SRD5A2: variants seen among roughly 807,000 people sequenced by gnomAD.
The protein encoded by SRD5A2 is steroid 5 alpha-reductase 2.
SRD5A2 carries 30 observed loss-of-function variants against 27.4 expected under a neutral mutation model. That is an observed-to-expected ratio of 1.10 (90% CI 0.82 to 1.49). SRD5A2 has a LOEUF of 1.49. Ranked by LOEUF, SRD5A2 falls within the 40% of genes most tolerant of loss-of-function variation. The probability of loss-of-function intolerance (pLI) is 0.00; values close to 1 mark genes in which losing one functional copy is unlikely to be tolerated. For missense variants in SRD5A2, 348 were observed against 323.4 expected, an observed-to-expected ratio of 1.08 and a Z score of -0.58; for synonymous variants, 141 against 133.6, an observed-to-expected ratio of 1.06 and a Z score of -0.38.
At chr2:31,638,594 T>G in the SRD5A2 span, among the ~76,000 whole-genome samples, 1 of 152,110 alleles carries the variant, frequency 6.6e-6, no homozygotes, top group Non-Finnish European at 1.5e-5. Context: ...CTTTATATAC[T>G]AGGAACTCCT....
intron 1 of SRD5A2, among the ~76,000 whole-genome samples, chr2:31,553,159 C>T (rs1208369092): frequency 6.6e-6 from 1 of 152,080 alleles, no homozygotes; most frequent in African/African-American, 2.4e-5. Context: ...GCTTCAAACA[C>T]AGAATTGATC....
rs190448478 is a variant in SRD5A2, at chr2:31,537,002, A to C, written c.282-3236T>G. On this transcript the variant is annotated intron_variant, in intron 1 of 4. Coordinates refer to ENST00000622030, the MANE Select transcript of SRD5A2 (RefSeq NM_000348.4). ...ATATTCATTTGGGGGGATTCATTGGAAAGGGTTAACTGAAATTGCAAATCC... is the reference window on the plus strand; with the variant it reads ...ATATTCATTTGGGGGGATTCATTGGCAAGGGTTAACTGAAATTGCAAATCC... Among the ~76,000 whole-genome samples the C allele has an allele frequency of 2.3e-3, 348 of 152,350 alleles. 11 individuals carry two copies. The highest frequency in any genetic ancestry group is 5.7e-4 in the Non-Finnish European group (39 of 68,028).
chr2:31,558,794 T>C (rs1666553847), intron 1 of SRD5A2, among the ~76,000 whole-genome samples: 1 of 152,136 alleles, frequency 6.6e-6, no homozygotes, highest in Non-Finnish European at 1.5e-5. Flanking sequence ...CTAGGAACAA[T>C]AGGATATAGT....
At chr2:31,534,556 G>C (rs1665986002) in intron 1 of SRD5A2, among the ~76,000 whole-genome samples, 1 of 152,172 alleles carries the variant, frequency 6.6e-6, no homozygotes, top group Non-Finnish European at 1.5e-5. Flanking sequence ...ATTTGATTCT[G>C]TAAATTTTAT....
At chr2:31,534,679 A>T (rs1476290068) in intron 1 of SRD5A2, among the ~76,000 whole-genome samples, 1 of 152,186 alleles carries the variant, frequency 6.6e-6, no homozygotes, top group Non-Finnish European at 1.5e-5. Context: ...ACACATCTCC[A>T]GAGCATTCAT....
At chr2:31,642,867 T>C in the SRD5A2 span, among the ~76,000 whole-genome samples, 7 of 152,078 alleles carry the variant, frequency 4.6e-5, no homozygotes, top group African/African-American at 1.2e-4. Context: ...ACTGATACTA[T>C]TGACACATGC....
chr2:31,568,873 C>T (rs180694730), intron 1 of SRD5A2, among the ~76,000 whole-genome samples: 10 of 152,354 alleles, frequency 6.6e-5, no homozygotes, highest in African/African-American at 1.7e-4. Flanking sequence ...GTGTCAATGC[C>T]GCCCTGAGCT....
At chr2:31,629,029 T>C in the SRD5A2 span, among the ~76,000 whole-genome samples, 1 of 152,156 alleles carries the variant, frequency 6.6e-6, no homozygotes, top group Non-Finnish European at 1.5e-5. Flanking sequence ...TCAAACCAAA[T>C]TAAAAACTTA....
the SRD5A2 span, among the ~76,000 whole-genome samples, chr2:31,616,293 G>T: frequency 1.3e-5 from 2 of 152,200 alleles, no homozygotes; most frequent in Non-Finnish European, 2.9e-5. Flanking sequence ...GCACTGCCTA[G>T]TGGTGCTGTG....
chr2:31,583,008 T>C (rs566203100), upstream of SRD5A2, among the ~76,000 whole-genome samples: 11 of 152,340 alleles, frequency 7.2e-5, no homozygotes, highest in East Asian at 2.1e-3. Context: ...GTCCTCATGA[T>C]CTTTTCTCCA....
At chr2:31,622,432 GT>G in the SRD5A2 span, among the ~76,000 whole-genome samples, 1 of 152,016 alleles carries the variant, frequency 6.6e-6, no homozygotes, top group East Asian at 1.9e-4. Flanking sequence ...TCAAAAAGTT[GT>G]TGAGATACTT....
chr2:31,542,512 A>T (rs1666149807), intron 1 of SRD5A2, among the ~76,000 whole-genome samples: 2 of 152,112 alleles, frequency 1.3e-5, no homozygotes, highest in South Asian at 2.1e-4. Flanking sequence ...CTGTCTCAAT[A>T]AATAAATAAA....
At position 31,524,784 on chromosome 2, in the gene SRD5A2, G is replaced by T. The variant is rs1665736392; in HGVS notation, c.*1412C>A. ...ATTGACAATGCATTCCGCAAACATAGGCCTGAGAAGACAAATATTTCCATG... is the reference window on the plus strand; with the variant it reads ...ATTGACAATGCATTCCGCAAACATATGCCTGAGAAGACAAATATTTCCATG... On this transcript the variant is annotated 3_prime_UTR_variant, in exon 5 of 5. Coordinates refer to ENST00000622030, the MANE Select transcript of SRD5A2 (RefSeq NM_000348.4). The T allele has an allele frequency of 8.7e-6, 2 of 228,684 alleles. No homozygotes were observed. Among genetic ancestry groups the T allele is most frequent in the East Asian group, 1.3e-4 (2 of 15,982 alleles). 14.2% of individuals were successfully genotyped at this position (228,684 alleles called of 1,614,324 possible).
At chr2:31,616,584 C>A in the SRD5A2 span, among the ~76,000 whole-genome samples, 1 of 152,174 alleles carries the variant, frequency 6.6e-6, no homozygotes, top group Non-Finnish European at 1.5e-5. Flanking sequence ...GGCCTGCAGC[C>A]CCCTTTGTTT....
chr2:31,621,306 T>C, the SRD5A2 span, among the ~76,000 whole-genome samples: 1 of 152,110 alleles, frequency 6.6e-6, no homozygotes, highest in Non-Finnish European at 1.5e-5. Flanking sequence ...TAGAAATTAT[T>C]AATCTGTTTC....
At chr2:31,616,392 C>A in the SRD5A2 span, among the ~76,000 whole-genome samples, 1,702 of 152,290 alleles carry the variant, frequency 0.011, 21 homozygotes, top group African/African-American at 0.015. Flanking sequence ...ACACTCAATG[C>A]CAGCCCATGA....
the SRD5A2 span, among the ~76,000 whole-genome samples, chr2:31,661,501 C>T: frequency 6.6e-6 from 1 of 152,178 alleles, no homozygotes; most frequent in Non-Finnish European, 1.5e-5. Flanking sequence ...GTTTGATATA[C>T]AACCATCTTT....
intron 1 of SRD5A2, among the ~76,000 whole-genome samples, chr2:31,567,576 T>C (rs1666759450): frequency 6.6e-6 from 1 of 152,080 alleles, no homozygotes; most frequent in Admixed American, 6.6e-5. Context: ...ATACCCTTTG[T>C]AGTTCTACCT....
the SRD5A2 span, among the ~76,000 whole-genome samples, chr2:31,609,364 T>C: frequency 6.6e-6 from 1 of 152,082 alleles, no homozygotes; most frequent in African/African-American, 2.4e-5. Flanking sequence ...TTATAAAACT[T>C]AGTACAAAAT....
Sources: allele counts gnomAD v4.1 joint callset (sites outside exome capture counted in the v4.1 genomes callset), GRCh38; gene constraint gnomAD v4.1.1; transcripts MANE v1.5; gene names NCBI Gene and HGNC (gene_info 2026-07-23, HGNC 2026-07-21).